Variants in ZNF320 observed in about 807,000 individuals in gnomAD.
The protein encoded by ZNF320 is zinc finger gene 320.
In ZNF320, 2 loss-of-function variants were observed where a neutral mutation model predicts 6.8. The observed-to-expected ratio is 0.29, with a 90% confidence interval of 0.12 to 0.93. ZNF320 has a LOEUF of 0.93. Ranked by LOEUF, ZNF320 falls within the 40% of genes least tolerant of loss-of-function variation. The pLI is 0.55. For missense variants in ZNF320, 472 were observed against 611.0 expected, an observed-to-expected ratio of 0.77 and a Z score of 2.40; for synonymous variants, 208 against 203.2, an observed-to-expected ratio of 1.02 and a Z score of -0.20.
At position 52,881,666 on chromosome 19, in the gene ZNF320, T is replaced by A; in HGVS notation, c.460A>T (p.Ile154Phe). The part of the protein sequence containing the change: ...FHLHLRRHRR[I>F]HTGEKPYKCE... ...TTGTAAGGTTTCTCTCCAGTATGAA[T>A]TCTCCTATGTCTTCGCAAATGCAAA... is the stretch of plus-strand genomic sequence containing the variant. The change falls in exon 6 of 6, where the codon ATT (isoleucine) becomes TTT (phenylalanine). Residue 154 changes from isoleucine (I) to phenylalanine (F), a missense_variant. Ile to Phe is a conservative substitution (Grantham distance 21, BLOSUM62 0). Transcript: ENST00000682928. 1.2e-6 allele frequency: 2 copies of A among 1,614,040 alleles called. No homozygotes were observed. The highest frequency in any genetic ancestry group is 1.7e-6 in the Non-Finnish European group (2 of 1,179,908).
At chr19:52,869,661 T>C (rs1451411024) in intron 5 of ZNF320, among the ~76,000 whole-genome samples, 2 of 151,916 alleles carry the variant, frequency 1.3e-5, no homozygotes, top group Non-Finnish European at 2.9e-5. Context: ...CTCAGCCTCC[T>C]GAGTAGCTGG....
rs866268312 is a variant in ZNF320 at position 52,861,578 on chromosome 19, C to A, written c.*2451G>T. Among the ~76,000 whole-genome samples, 5 of 152,286 alleles carry A rather than the reference C, an allele frequency of 3.3e-5. No individual in the cohort carries two copies. The South Asian group carries it at 6.2e-4, about 19-fold the overall frequency. On this transcript the variant is annotated 3_prime_UTR_variant, in exon 6 of 6. Coordinates refer to the ZNF320 transcript ENST00000673631. ...CCTCAAGGGATCTAACTGCCTTGGC[C>A]TCCCAAAGTGCTGGGATTACAGGCA...
intron 5 of ZNF320, chr19:52,865,481 TA>T (rs1568692763): frequency 9.0e-5 from 11 of 122,164 alleles, no homozygotes; most frequent in African/African-American, 3.2e-4. Context: ...TACATATATA[TA>T]TAATACATAT....
exon 6 of ZNF320, chr19:52,864,104 C>A (rs750616643): frequency 2.8e-6 from 1 of 352,118 alleles, no homozygotes. Context: ...AGGGTCCAGG[C>A]GTTTCCACTC....
intron 5 of ZNF320, among the ~76,000 whole-genome samples, chr19:52,869,589 T>A (rs974971131): frequency 6.6e-6 from 1 of 151,958 alleles, no homozygotes; most frequent in Admixed American, 6.6e-5. Context: ...CAGGCTGGAG[T>A]GTAGTGGTGT....
rs141660375 is a variant in ZNF320 at position 52,890,969 on chromosome 19, G to A, written c.-74+260C>T. 9.2e-3 allele frequency among the ~76,000 whole-genome samples: 1,403 copies of A among 152,136 alleles called. 17 individuals are homozygous for A. The highest frequency in any genetic ancestry group is 0.032 in the African/African-American group (1,317 of 41,502). ...AGTTCTAGACCAGCCTGGCCAACAT[G>A]GTGAAACCCTGTCTCTTACTAAAAA... On this transcript the variant is annotated intron_variant, in intron 3 of 5. Coordinates refer to ENST00000682928, the MANE Select transcript of ZNF320 (RefSeq NM_001351774.2).
rs2063931804 is a variant in ZNF320, at chr19:52,881,833, A to G, written c.293T>C (p.Val98Ala). ...TGTTTCATCTTCTTGCCACTGAAACACAAAGTCATGAATGTCTTTCTCAAT... is the reference window on the plus strand; with the variant it reads ...TGTTTCATCTTCTTGCCACTGAAACGCAAAGTCATGAATGTCTTTCTCAAT... ...QEIEKDIHDF[V>A]FQWQEDETND... is the part of the protein sequence containing the mutation. The change falls in exon 6 of 6, where the codon GTG becomes GCG. Residue 98 changes from valine (V) to alanine (A), a missense_variant. Val to Ala is a moderately conservative substitution (Grantham distance 64, BLOSUM62 0). Transcript: ENST00000682928. 1.2e-6 allele frequency: 2 copies of G among 1,613,862 alleles called. No homozygotes were observed. The highest frequency in any genetic ancestry group is 1.7e-6 in the Non-Finnish European group (2 of 1,179,850).
chr19:52,862,100 C>A, exon 6 of ZNF320: 1 of 372,878 alleles, frequency 2.7e-6, no homozygotes, highest in Non-Finnish European at 5.5e-6. Flanking sequence ...CTTGTAAGAT[C>A]TCTCTTCATT....
At chr19:52,865,458 CATATATATATATTACATAT>C (rs372194948) in intron 5 of ZNF320, 64,689 of 137,388 alleles carry the variant, frequency 0.47, 15,688 homozygotes, top group Non-Finnish European at 0.5. Flanking sequence ...ATATGTAATA[CATATATATATATTACATAT>C]ATATATAATA....
At chr19:52,900,708 A>AT (rs113798357), upstream of ZNF320, among the ~76,000 whole-genome samples, 21 of 147,880 alleles carry the variant, frequency 1.4e-4, no homozygotes, top group African/African-American at 3.5e-4. Context: ...CTTAATTTAC[A>AT]TTTTTTTTTT....
At chr19:52,867,897 C>A (rs1395521631) in intron 5 of ZNF320, among the ~76,000 whole-genome samples, 2 of 152,118 alleles carry the variant, frequency 1.3e-5, no homozygotes, top group Non-Finnish European at 2.9e-5. Flanking sequence ...CAGGCTTGAG[C>A]CACCGCACCC....
chr19:52,883,864 A>G (rs1168459349), intron 5 of ZNF320, among the ~76,000 whole-genome samples: 1 of 152,186 alleles, frequency 6.6e-6, no homozygotes, highest in Non-Finnish European at 1.5e-5. Context: ...GTGCCACTGC[A>G]CTCTAGCCTG....
chr19:52,860,888 T>G, exon 6 of ZNF320, among the ~76,000 whole-genome samples: 1 of 152,094 alleles, frequency 6.6e-6, no homozygotes. Context: ...GTTTAACAGT[T>G]TTTCCACTCA....
rs192612303 is a variant in ZNF320 at position 52,868,172 on chromosome 19, C to G, written c.224-4013G>C. Among the ~76,000 whole-genome samples the G allele has an allele frequency of 2.6e-5, 4 of 152,250 alleles. No individual in the cohort carries two copies. In the East Asian group the frequency reaches 7.7e-4, roughly 29 times the overall value. On this transcript the variant is annotated intron_variant, in intron 5 of 5. Coordinates refer to the ZNF320 transcript ENST00000673631. ...CAGTTTACAGCCTGTCATATAAAAG[C>G]TGCAATGTGTGAAGCCATCTAATAG... is the stretch of plus-strand genomic sequence containing the variant.
upstream of ZNF320, among the ~76,000 whole-genome samples, chr19:52,900,787 GA>G (rs1421400640): frequency 6.6e-6 from 1 of 152,014 alleles, no homozygotes; most frequent in Non-Finnish European, 1.5e-5. Context: ...ACTCATGCAA[GA>G]GGGGCTGACT....
At chr19:52,890,398 T>C (rs1231568030) in intron 3 of ZNF320, 70 bp from the exon 4 acceptor site, 3 of 1,227,058 alleles carry the variant, frequency 2.4e-6, no homozygotes, top group East Asian at 2.4e-5. Flanking sequence ...CAATGACACA[T>C]ACAAAGGAGG....
chr19:52,862,442 C>A, exon 6 of ZNF320: 1 of 408,490 alleles, frequency 2.4e-6, no homozygotes, highest in South Asian at 1.9e-5. Context: ...AGTATGAGTT[C>A]ACTGATGAAC....
chr19:52,862,169 T>C (rs755500654), exon 6 of ZNF320: 4 of 430,748 alleles, frequency 9.3e-6, no homozygotes, highest in Non-Finnish European at 1.9e-5. Flanking sequence ...GTGACAATCA[T>C]TGCATTAGTA....
chr19:52,896,915 T>A (rs28540338), intron 1 of ZNF320, among the ~76,000 whole-genome samples: 4 of 152,150 alleles, frequency 2.6e-5, no homozygotes, highest in Non-Finnish European at 2.9e-5. Flanking sequence ...GGAGTGGCCA[T>A]GGCCAAGCAC....
Sources: allele counts gnomAD v4.1 joint callset (sites outside exome capture counted in the v4.1 genomes callset), GRCh38; gene constraint gnomAD v4.1.1; transcripts MANE v1.5; gene names NCBI Gene and HGNC (gene_info 2026-07-23, HGNC 2026-07-21).